The following PDE10A variants were observed in gnomAD, a reference collection of about 807,000 sequenced individuals.
PDE10A encodes phosphodiesterase 10A, also known as cAMP and cAMP-inhibited cGMP 3',5'-cyclic phosphodiesterase 10A.
In PDE10A, 39 loss-of-function variants were observed where a neutral mutation model predicts 97.7. That is an observed-to-expected ratio of 0.40 (90% CI 0.31 to 0.52). The LOEUF is 0.52. Ranked by LOEUF, PDE10A falls within the 20% of genes least tolerant of loss-of-function variation. The pLI is 0.56. For missense variants in PDE10A, 731 were observed against 1,047.8 expected (o/e 0.70, Z 4.17); for synonymous variants, 371 against 376.8 (o/e 0.98, Z 0.18).
intron 1 of PDE10A, among the ~76,000 whole-genome samples, chr6:165,634,533 A>G (rs1396348930): frequency 6.6e-6 from 1 of 152,222 alleles, no homozygotes; most frequent in Non-Finnish European, 1.5e-5. Flanking sequence ...AATATACACA[A>G]ACTACAGCGA....
intron 1 of PDE10A, among the ~76,000 whole-genome samples, chr6:165,960,721 C>T (rs745424285): frequency 3.9e-5 from 6 of 152,140 alleles, no homozygotes; most frequent in East Asian, 1.9e-4. Context: ...GCGCTAGAAT[C>T]GCCAGTGACC....
At chr6:165,836,510 T>C (rs1780067262) in intron 1 of PDE10A, among the ~76,000 whole-genome samples, 1 of 152,252 alleles carries the variant, frequency 6.6e-6, no homozygotes, top group Non-Finnish European at 1.5e-5. Context: ...CTGCTTCTGA[T>C]TAAGTCTTAC....
chr6:165,328,717 A>G lies in PDE10A; in HGVS notation c.*4308T>C, dbSNP rs375493668. 5 of 152,324 alleles carry G rather than the reference A, an allele frequency of 3.3e-5. No individual in the cohort carries two copies. The highest frequency in any genetic ancestry group is 1.2e-4 in the African/African-American group (5 of 41,578). The allele number at this position is 152,324 out of a possible 1,614,324, so 9.4% of individuals were successfully genotyped here. A position where few individuals can be genotyped will look rare whatever the true frequency, so the allele number is the denominator to read the frequency against. On this transcript the variant is annotated 3_prime_UTR_variant, in exon 22 of 22. Coordinates refer to ENST00000539869, the MANE Select transcript of PDE10A (RefSeq NM_001385079.1). ...ACATTAATGTCTTTCTCTTTGTTCT[A>G]TCTTCTTAATTTAGAACCAGCACAC...
intron 21 of PDE10A, among the ~76,000 whole-genome samples, chr6:165,335,434 TTCC>T (rs1483082505): frequency 6.6e-6 from 1 of 152,158 alleles, no homozygotes; most frequent in Non-Finnish European, 1.5e-5. Flanking sequence ...TAAAAACTTC[TTCC>T]TCCTTTTTGG....
At chr6:165,846,537 T>C (rs1353309886) in intron 1 of PDE10A, among the ~76,000 whole-genome samples, 1 of 152,246 alleles carries the variant, frequency 6.6e-6, no homozygotes, top group Non-Finnish European at 1.5e-5. Context: ...GCTTTCATTT[T>C]TCTTTGCATC....
At chr6:165,633,972 T>C (rs1264166655) in intron 1 of PDE10A, among the ~76,000 whole-genome samples, 1 of 152,178 alleles carries the variant, frequency 6.6e-6, no homozygotes, top group Non-Finnish European at 1.5e-5. Flanking sequence ...GGGTCTGCTA[T>C]TTAAGAAAGT....
chr6:165,486,299 C>T (rs1170205733), intron 2 of PDE10A, among the ~76,000 whole-genome samples: 1 of 152,162 alleles, frequency 6.6e-6, no homozygotes, highest in Non-Finnish European at 1.5e-5. Flanking sequence ...GATTACATAT[C>T]AGAAAAACTA....
intron 1 of PDE10A, among the ~76,000 whole-genome samples, chr6:165,855,528 GT>G (rs1780708021): frequency 6.6e-6 from 1 of 151,532 alleles, no homozygotes; most frequent in South Asian, 2.1e-4. Context: ...CGCAGCCCGG[GT>G]TCATGTGGGG....
Position 165,832,560 on chromosome 6 carries a change from C to T in PDE10A, c.-615+154969G>A, listed in dbSNP as rs561451352. Among the ~76,000 whole-genome samples the T allele has an allele frequency of 8.5e-5, 13 of 152,314 alleles. No individual in the cohort carries two copies. The South Asian group carries it at 2.5e-3, about 29-fold the overall frequency. Reference sequence around the variant, plus strand: ...TCCTCTGGGCCTCTGGCTTCTCAGCCAACCCCAGGAACCCAGCTTCGAGCT... The same window carrying T: ...TCCTCTGGGCCTCTGGCTTCTCAGCTAACCCCAGGAACCCAGCTTCGAGCT... On this transcript the variant is annotated intron_variant, in intron 1 of 19. Coordinates refer to the PDE10A transcript ENST00000366882.
intron 3 of PDE10A, among the ~76,000 whole-genome samples, chr6:165,462,847 G>A (rs577598874): frequency 1.3e-5 from 2 of 152,096 alleles, no homozygotes; most frequent in Non-Finnish European, 1.5e-5. Context: ...ATCAATCTTG[G>A]CTGGCAATAA....
intron 1 of PDE10A, among the ~76,000 whole-genome samples, chr6:165,857,148 CA>C (rs1244487626): frequency 6.6e-6 from 1 of 152,146 alleles, no homozygotes; most frequent in Non-Finnish European, 1.5e-5. Context: ...CACTTACCAC[CA>C]AGAGAATGCT....
chr6:165,934,753 G>A (rs1783267731), intron 1 of PDE10A, among the ~76,000 whole-genome samples: 2 of 152,044 alleles, frequency 1.3e-5, no homozygotes, highest in African/African-American at 4.8e-5. Flanking sequence ...TGCCATGGAT[G>A]GGCTCCCAAT....
At chr6:165,794,267 A>T (rs1778757114) in intron 1 of PDE10A, among the ~76,000 whole-genome samples, 1 of 148,882 alleles carries the variant, frequency 6.7e-6, no homozygotes, top group Admixed American at 6.7e-5. Context: ...TCACATACAC[A>T]CTCATCACAC....
chr6:165,869,583 A>G (rs1325658102), intron 1 of PDE10A, among the ~76,000 whole-genome samples: 1 of 152,146 alleles, frequency 6.6e-6, no homozygotes, highest in African/African-American at 2.4e-5. Context: ...CTTTGCAGAA[A>G]TGGAAAAAGT....
chr6:165,888,423 C>T (rs1421467360), intron 1 of PDE10A, among the ~76,000 whole-genome samples: 1 of 151,966 alleles, frequency 6.6e-6, no homozygotes, highest in African/African-American at 2.4e-5. Flanking sequence ...GTAGCTGGGA[C>T]TACAAACGTG....
chr6:165,465,863 A>G (rs1350340093), intron 3 of PDE10A, among the ~76,000 whole-genome samples: 1 of 152,196 alleles, frequency 6.6e-6, no homozygotes, highest in Non-Finnish European at 1.5e-5. Context: ...AAACCATATC[A>G]GGTATGATTT....
At chr6:165,850,306 TTGGCATTTTTA>T (rs1419938440) in intron 1 of PDE10A, among the ~76,000 whole-genome samples, 1 of 152,188 alleles carries the variant, frequency 6.6e-6, no homozygotes, top group East Asian at 1.9e-4. Context: ...AAATAACGTC[TTGGCATTTTTA>T]TGCAAAGATT....
intron 10 of PDE10A, among the ~76,000 whole-genome samples, chr6:165,424,574 T>C (rs1179674429): frequency 6.6e-6 from 1 of 152,180 alleles, no homozygotes; most frequent in East Asian, 1.9e-4. Context: ...TAAACCACTT[T>C]AGTCCATAGA....
chr6:165,389,178 T>C (rs1785507786), intron 16 of PDE10A, among the ~76,000 whole-genome samples: 1 of 151,120 alleles, frequency 6.6e-6, no homozygotes, highest in South Asian at 2.1e-4. Flanking sequence ...GCAGTCATCA[T>C]AAAAGGCTTA....
Sources: allele counts gnomAD v4.1 joint callset (sites outside exome capture counted in the v4.1 genomes callset), GRCh38; gene constraint gnomAD v4.1.1; transcripts MANE v1.5; gene names NCBI Gene and HGNC (gene_info 2026-07-23, HGNC 2026-07-21).